Variants in RETREG1 observed in about 807,000 individuals in gnomAD.
The protein encoded by RETREG1 is family with sequence similarity 134 member B.
Under a neutral mutation model 54.8 loss-of-function variants are expected in RETREG1, and 44 were observed. The observed-to-expected ratio is 0.80, with a 90% CI of 0.63 to 1.03. The LOEUF is 1.03. Among genes scored for constraint, RETREG1 ranks in the 50% least tolerant of loss-of-function variants. The pLI is 0.00. For synonymous variants in RETREG1, 217 were observed against 238.5 expected, an observed-to-expected ratio of 0.91 and a Z score of 0.83; for missense variants, 554 against 605.1, an observed-to-expected ratio of 0.92 and a Z score of 0.89.
intron 2 of RETREG1, among the ~76,000 whole-genome samples, chr5:16,566,168 T>C (rs995649314): frequency 6.6e-6 from 1 of 152,094 alleles, no homozygotes; most frequent in Non-Finnish European, 1.5e-5. Flanking sequence ...GCACACACCA[T>C]GTGAGTTCAG....
At chr5:16,613,705 C>G (rs937825915) in intron 1 of RETREG1, among the ~76,000 whole-genome samples, 1 of 152,154 alleles carries the variant, frequency 6.6e-6, no homozygotes, top group Non-Finnish European at 1.5e-5. Flanking sequence ...AACAACATCC[C>G]ATTGCTTAAG....
At chr5:16,501,527 T>G (rs541467330) in intron 3 of RETREG1, among the ~76,000 whole-genome samples, 1 of 139,556 alleles carries the variant, frequency 7.2e-6, no homozygotes, top group African/African-American at 2.6e-5. Context: ...CAATTTTTAT[T>G]TATTTTTTTA....
chr5:16,515,119 C>T (rs1227078649), intron 3 of RETREG1, among the ~76,000 whole-genome samples: 1 of 151,942 alleles, frequency 6.6e-6, no homozygotes, highest in East Asian at 1.9e-4. Flanking sequence ...GGTAGACACC[C>T]AGTAGTGGGA....
At chr5:16,599,170 G>A (rs932139417) in intron 1 of RETREG1, among the ~76,000 whole-genome samples, 1 of 152,124 alleles carries the variant, frequency 6.6e-6, no homozygotes, top group Non-Finnish European at 1.5e-5. Flanking sequence ...TCACACCACT[G>A]CACTCCGGCC....
At chr5:16,557,881 T>A (rs934302782) in intron 3 of RETREG1, among the ~76,000 whole-genome samples, 2 of 152,134 alleles carry the variant, frequency 1.3e-5, no homozygotes, top group African/African-American at 4.8e-5. Flanking sequence ...CCTGCAAAAC[T>A]CATGTTGAAA....
intron 4 of RETREG1, among the ~76,000 whole-genome samples, chr5:16,481,658 T>C (rs989998101): frequency 6.6e-6 from 1 of 152,036 alleles, no homozygotes; most frequent in Admixed American, 6.6e-5. Flanking sequence ...CCTAACCATA[T>C]ATACTGCTCA....
intron 3 of RETREG1, among the ~76,000 whole-genome samples, chr5:16,511,782 T>G (rs1740182952): frequency 6.6e-6 from 1 of 152,030 alleles, no homozygotes; most frequent in African/African-American, 2.4e-5. Flanking sequence ...TCAGGAAACT[T>G]AGAATCATGG....
intron 3 of RETREG1, among the ~76,000 whole-genome samples, chr5:16,525,890 T>C (rs1042467858): frequency 2.0e-5 from 3 of 152,152 alleles, no homozygotes; most frequent in Non-Finnish European, 4.4e-5. Context: ...GAAGTTGTCA[T>C]TTTGAGTCTG....
chr5:16,589,418 C>A (rs1361952785), intron 1 of RETREG1, among the ~76,000 whole-genome samples: 3 of 151,980 alleles, frequency 2.0e-5, no homozygotes, highest in African/African-American at 7.3e-5. Context: ...TCTCTGTCAC[C>A]CAGCCTGAAG....
chr5:16,509,055 C>G, intron 3 of RETREG1: 1 of 869,000 alleles, frequency 1.2e-6, no homozygotes, highest in Non-Finnish European at 1.3e-6. Flanking sequence ...TTTTTTTTTT[C>G]TGGCATGACT....
At position 16,543,650 on chromosome 5, in the gene RETREG1, G is replaced by A. The variant is rs565910174; in HGVS notation, c.458+22113C>T. Among the ~76,000 whole-genome samples, 13 of 151,326 alleles carry A rather than the reference G, an allele frequency of 8.6e-5. No individual in the cohort carries two copies. In the South Asian group the frequency reaches 2.1e-3, roughly 24 times the overall value. ...GAGATCGCGCCATTGCACTCCAGCCGGGGCGACAGGGAGAGACAACATCTC... is the reference window on the plus strand; with the variant it reads ...GAGATCGCGCCATTGCACTCCAGCCAGGGCGACAGGGAGAGACAACATCTC... On this transcript the variant is annotated intron_variant, in intron 3 of 8. Transcript: ENST00000306320.
At chr5:16,603,000 C>T (rs983353507) in intron 1 of RETREG1, among the ~76,000 whole-genome samples, 3 of 152,138 alleles carry the variant, frequency 2.0e-5, no homozygotes, top group African/African-American at 7.2e-5. Context: ...AAGAGAGAAA[C>T]TCTGTCTCAA....
chr5:16,588,609 C>T (rs1241136618), intron 1 of RETREG1, among the ~76,000 whole-genome samples: 4 of 152,234 alleles, frequency 2.6e-5, no homozygotes, highest in Non-Finnish European at 5.9e-5. Context: ...TCCACATCCT[C>T]CCAAACTCCC....
At chr5:16,575,958 T>C (rs773216087) in intron 1 of RETREG1, among the ~76,000 whole-genome samples, 4 of 152,258 alleles carry the variant, frequency 2.6e-5, no homozygotes, top group Non-Finnish European at 4.4e-5. Context: ...TTTAGACTTG[T>C]GATTGGAAAT....
chr5:16,532,258 G>A (rs1227375325), intron 3 of RETREG1, among the ~76,000 whole-genome samples: 1 of 152,196 alleles, frequency 6.6e-6, no homozygotes, highest in African/African-American at 2.4e-5. Flanking sequence ...TGGGCGTGGT[G>A]GCTCATGCCT....
chr5:16,509,138 A>C, intron 3 of RETREG1: 1 of 547,818 alleles, frequency 1.8e-6, no homozygotes, highest in East Asian at 1.4e-4. Flanking sequence ...CTCCTCCTTC[A>C]AGTCACAGGA....
At chr5:16,554,725 G>A (rs187582273) in intron 3 of RETREG1, among the ~76,000 whole-genome samples, 124 of 152,214 alleles carry the variant, frequency 8.1e-4, no homozygotes, top group African/African-American at 2.5e-3. Flanking sequence ...GATCTTTCGT[G>A]TCCCTATATA....
At chr5:16,503,192 T>C (rs1445026814) in intron 3 of RETREG1, among the ~76,000 whole-genome samples, 1 of 152,222 alleles carries the variant, frequency 6.6e-6, no homozygotes, top group Non-Finnish European at 1.5e-5. Flanking sequence ...GTGATTCAGA[T>C]ATCTCACGCA....
chr5:16,482,757 A>C (rs1333712709), intron 4 of RETREG1, among the ~76,000 whole-genome samples: 1 of 152,112 alleles, frequency 6.6e-6, no homozygotes. Context: ...TTTATGCATA[A>C]AATAATACAA....
Sources: allele counts gnomAD v4.1 joint callset (sites outside exome capture counted in the v4.1 genomes callset), GRCh38; gene constraint gnomAD v4.1.1; transcripts MANE v1.5; gene names NCBI Gene and HGNC (gene_info 2026-07-23, HGNC 2026-07-21).